The following MFSD1 variants were observed in gnomAD, a reference collection of about 807,000 sequenced individuals.
MFSD1 encodes lysosomal dipeptide transporter MFSD1.
Under a neutral mutation model 67.1 loss-of-function variants are expected in MFSD1, and 59 were observed. That is an observed-to-expected ratio of 0.88 (90% CI 0.71 to 1.09). The LOEUF (loss-of-function observed/expected upper bound fraction) is 1.09, where lower values mean the gene tolerates loss of function less well. Among genes scored for constraint, MFSD1 ranks in the 50% least tolerant of loss-of-function variants. MFSD1 has a pLI of 0.00. For missense variants in MFSD1, 552 were observed against 566.1 expected (o/e 0.97, Z 0.25); for synonymous variants, 213 against 200.3 (o/e 1.06, Z -0.54).
intron 6 of MFSD1, among the ~76,000 whole-genome samples, chr3:158,812,736 C>T (rs1730097449): frequency 6.6e-6 from 1 of 152,192 alleles, no homozygotes; most frequent in African/African-American, 2.4e-5. Context: ...TATACTCAAA[C>T]CCCAATGGCT....
intron 1 of MFSD1, 140 bp downstream of exon 1, chr3:158,802,455 C>T (rs1007772274): frequency 2.0e-6 from 2 of 987,400 alleles, no homozygotes; most frequent in South Asian, 1.4e-5. Context: ...CTTATTTTCC[C>T]CTTTGCGATC....
chr3:158,808,945 C>T (rs111406975), intron 5 of MFSD1: 135 of 399,928 alleles, frequency 3.4e-4, no homozygotes, highest in South Asian at 2.5e-4. Flanking sequence ...GTGCGAGTGT[C>T]GGAGTGAAAA....
chr3:158,817,014 C>G (rs142161788), intron 7 of MFSD1, among the ~76,000 whole-genome samples: 28,508 of 152,134 alleles, frequency 0.19, 3,119 homozygotes, highest in Middle Eastern at 0.31. Context: ...ATCTATATCT[C>G]TGTTTTGGTA....
In MFSD1 at chr3:158,819,651, G is replaced by A. The variant is rs1389602536; in HGVS notation, c.655G>A (p.Gly219Ser). The A allele has an allele frequency of 2.7e-6, 4 of 1,487,380 alleles. No individual in the cohort carries two copies. The highest frequency in any genetic ancestry group is 3.7e-6 in the Non-Finnish European group (4 of 1,082,368). 92.1% of individuals were successfully genotyped at this position (1,487,380 alleles called of 1,614,324 possible). Residue 219 changes from glycine to serine, a missense_variant and splice_region_variant, in exon 8 of 16, where the codon GGT (glycine) becomes AGT (serine). By Grantham distance (56) the Gly-to-Ser change is moderately conservative. Coordinates refer to ENST00000415822, the MANE Select transcript of MFSD1 (RefSeq NM_022736.4). ...CTTTTTTTTTTTTTTTTATTTAGGG[G>A]GTATAACGTGTATTCTTTCACTAAT... ...TTLGITLMIG[G>S]ITCILSLICA...
At chr3:158,803,172 C>T (rs1729545432) in intron 1 of MFSD1, among the ~76,000 whole-genome samples, 3 of 152,118 alleles carry the variant, frequency 2.0e-5, no homozygotes, top group South Asian at 4.1e-4. Context: ...TCCTATGTTA[C>T]AGTTTTTAAT....
intron 6 of MFSD1, among the ~76,000 whole-genome samples, chr3:158,812,399 C>T (rs937312275): frequency 1.3e-5 from 2 of 152,146 alleles, no homozygotes; most frequent in African/African-American, 2.4e-5. Context: ...AGTTGAGCAG[C>T]GTTGGCTGAA....
rs146111747 is a variant in MFSD1, at chr3:158,811,103, C to T, written c.549+1816C>T. 8.3e-3 allele frequency among the ~76,000 whole-genome samples: 1,262 copies of T among 152,272 alleles called. 13 individuals carry two copies. The highest frequency in any genetic ancestry group is 0.029 in the African/African-American group (1,198 of 41,544). On this transcript the variant is annotated intron_variant, in intron 6 of 15. Transcript: ENST00000415822. The stretch of plus-strand genomic sequence containing the variant: ...TGAGGAGCCCTAAGTTTCTCTCTTT[C>T]TCTGTGTATGTATTTTCTTTTGATG...
chr3:158,823,663 G>C, intron 12 of MFSD1, 138 bp downstream of exon 12: 1 of 721,518 alleles, frequency 1.4e-6, no homozygotes, highest in Non-Finnish European at 2.5e-6. Flanking sequence ...GGAAAAGTCA[G>C]TAAATCTATT....
Position 158,824,214 on chromosome 3 carries a change from G to A in MFSD1, c.1266G>A (p.Val422=). The A allele has an allele frequency of 1.2e-6, 2 of 1,610,750 alleles. No homozygotes were observed. The highest frequency in any genetic ancestry group is 2.2e-5 in the South Asian group (2 of 90,982). Residue 422 remains valine, a synonymous_variant, in exon 13 of 16, where the codon GTG becomes GTA. Coordinates refer to ENST00000415822, the MANE Select transcript of MFSD1 (RefSeq NM_022736.4). ...LDSRGYLFLE[V]FFIACVSLSL... is the part of the protein sequence containing the mutation. Reference sequence around the variant, plus strand: ...CTCGGGGGTATTTGTTTTTGGAAGTGTTCTTCATTGCCTGTGTTTCTTGTG... The same window carrying A: ...CTCGGGGGTATTTGTTTTTGGAAGTATTCTTCATTGCCTGTGTTTCTTGTG...
chr3:158,823,459 C>G lies in MFSD1; in HGVS notation c.1109C>G (p.Ala370Gly). 6.2e-7 allele frequency: 1 copy of G among 1,613,706 alleles called. No individual in the cohort carries two copies. The highest frequency in any genetic ancestry group is 8.5e-7 in the Non-Finnish European group (1 of 1,179,666). Residue 370 changes from alanine to glycine, a missense_variant, in exon 12 of 16, where the codon GCC (alanine) becomes GGC (glycine). Physicochemically the swap from Ala to Gly is moderately conservative, Grantham distance 60. Transcript: ENST00000415822. ...CTGGGACTCTCCTACTCATTGCTTG[C>G]CTGTGCATTGTGGCCAATGGTGGCA... ...CLLGLSYSLLACALWPMVAFV... is the reference protein window; with the variant it reads ...CLLGLSYSLLGCALWPMVAFV...
chr3:158,802,600 G>A, intron 1 of MFSD1: 1 of 679,810 alleles, frequency 1.5e-6, no homozygotes, highest in South Asian at 1.5e-5. Context: ...TCGCCCTAGA[G>A]GCGATAGATA....
intron 7 of MFSD1, among the ~76,000 whole-genome samples, chr3:158,814,625 G>A (rs1254768651): frequency 1.3e-5 from 2 of 152,070 alleles, no homozygotes; most frequent in Admixed American, 6.6e-5. Flanking sequence ...CTGGCCTGTT[G>A]TCTACTTTAA....
At chr3:158,802,552 A>C (rs191143315) in intron 1 of MFSD1, 1 of 702,356 alleles carries the variant, frequency 1.4e-6, no homozygotes. Flanking sequence ...GTTTTGTGGC[A>C]CTCCTTTGCT....
chr3:158,824,466 A>T (rs951504527), intron 13 of MFSD1: 21 of 235,752 alleles, frequency 8.9e-5, no homozygotes, highest in Middle Eastern at 1.4e-3. Flanking sequence ...TTTACAGTTT[A>T]AAAAAAAAAA....
chr3:158,821,487 A>G (rs1029796767), intron 9 of MFSD1, 110 bp from the exon 10 acceptor site: 2 of 692,784 alleles, frequency 2.9e-6, no homozygotes, highest in East Asian at 2.6e-5. Context: ...GTGGGAGAAT[A>G]ATATCAAGAA....
intron 13 of MFSD1, among the ~76,000 whole-genome samples, chr3:158,824,941 T>C (rs968998447): frequency 2.0e-5 from 3 of 152,208 alleles, no homozygotes; most frequent in African/African-American, 7.2e-5. Context: ...ATCTCATAAA[T>C]AAACGTGCTT....
At chr3:158,827,391 G>T in intron 15 of MFSD1, 54 bp downstream of exon 15, 2 of 982,936 alleles carry the variant, frequency 2.0e-6, no homozygotes, top group Admixed American at 2.8e-5. Context: ...TTAAATATGA[G>T]CATTTCGTTT....
intron 14 of MFSD1, 62 bp from the exon 15 acceptor site, chr3:158,827,218 G>A: frequency 9.8e-7 from 1 of 1,020,078 alleles, no homozygotes; most frequent in Admixed American, 2.5e-5. Context: ...ATGTATGTAT[G>A]GTTGAAATTT....
At chr3:158,825,884 T>A in intron 13 of MFSD1, 131 bp from the exon 14 acceptor site, 1 of 704,676 alleles carries the variant, frequency 1.4e-6, no homozygotes. Context: ...ATAATGGGAA[T>A]AATATTTTTA....
Sources: gnomAD v4.1 joint callset for allele counts (sites outside exome capture counted in the v4.1 genomes callset) on GRCh38, gnomAD v4.1.1 for gene constraint, MANE v1.5 for transcripts, NCBI Gene and HGNC (gene_info 2026-07-23, HGNC 2026-07-21) for gene names.